Variants in NRG1 observed in about 807,000 individuals in gnomAD.
The protein encoded by NRG1 is pro-neuregulin-1, membrane-bound isoform.
A neutral mutation model predicts 63.8 loss-of-function variants in NRG1; 18 were observed. That is an observed-to-expected ratio of 0.28 (90% CI 0.19 to 0.42). The LOEUF is 0.42. NRG1 is among the 10% of genes least tolerant of loss of function. NRG1 has a pLI of 1.00. For synonymous variants in NRG1, 302 were observed against 301.3 expected (o/e 1.00, Z -0.02); for missense variants, 762 against 814.7 (o/e 0.94, Z 0.79).
intron 1 of NRG1, among the ~76,000 whole-genome samples, chr8:32,479,696 C>G (rs1033347384): frequency 6.6e-6 from 1 of 152,088 alleles, no homozygotes; most frequent in African/African-American, 2.4e-5. Flanking sequence ...TGTCATCAGT[C>G]TGGAGTACAG....
At chr8:31,802,539 A>G (rs1375410131) in intron 1 of NRG1, among the ~76,000 whole-genome samples, 2 of 152,136 alleles carry the variant, frequency 1.3e-5, no homozygotes, top group Non-Finnish European at 2.9e-5. Flanking sequence ...AGTAGGAGTT[A>G]TTTACATGCT....
chr8:32,430,336 A>G (rs889609643), intron 1 of NRG1, among the ~76,000 whole-genome samples: 1 of 152,194 alleles, frequency 6.6e-6, no homozygotes, highest in Non-Finnish European at 1.5e-5. Context: ...CACTGTGTCC[A>G]AGGAAGTAGA....
intron 1 of NRG1, among the ~76,000 whole-genome samples, chr8:32,405,805 G>A (rs1436602667): frequency 6.9e-5 from 9 of 130,680 alleles, no homozygotes; most frequent in Non-Finnish European, 1.2e-4. Context: ...TGATATTTAA[G>A]TTAACATATT....
chr8:32,141,603 T>TAA (rs1421604943), intron 1 of NRG1, among the ~76,000 whole-genome samples: 1 of 98,448 alleles, frequency 1.0e-5, no homozygotes, highest in African/African-American at 4.0e-5. Context: ...TATATATATA[T>TAA]ATATATATAT....
intron 1 of NRG1, among the ~76,000 whole-genome samples, chr8:32,197,479 C>G (rs1843077257): frequency 6.6e-6 from 1 of 152,160 alleles, no homozygotes. Context: ...CTAGCCTGGG[C>G]AAAATGTGCC....
At chr8:32,124,994 C>G (rs1833902416) in intron 1 of NRG1, among the ~76,000 whole-genome samples, 1 of 151,858 alleles carries the variant, frequency 6.6e-6, no homozygotes, top group Non-Finnish European at 1.5e-5. Flanking sequence ...GAGGCAGGGC[C>G]TTTTTGAGTG....
At position 31,710,966 on chromosome 8, in the gene NRG1, G is replaced by A. The variant is rs1192307571; in HGVS notation, c.37+71535G>A. On this transcript the variant is annotated intron_variant, in intron 1 of 10. Transcript: ENST00000519301. The stretch of plus-strand genomic sequence containing the variant: ...GTATACTTCTGATATGTGTGAAGGT[G>A]ACATATTTATTCTATTGGCTATCTT... Among the ~76,000 whole-genome samples, 4 of 152,186 alleles carry A rather than the reference G, an allele frequency of 2.6e-5. No individual in the cohort carries two copies. The East Asian group carries it at 5.8e-4, about 22-fold the overall frequency.
intron 1 of NRG1, among the ~76,000 whole-genome samples, chr8:31,812,677 G>A (rs1414878498): frequency 1.8e-5 from 2 of 109,836 alleles, no homozygotes; most frequent in African/African-American, 3.6e-5. Flanking sequence ...CCCTCCCCTC[G>A]CTGCTCCTCT....
Position 32,304,281 on chromosome 8 carries a change from C to T in NRG1, c.38-291547C>T, listed in dbSNP as rs562388518. 7.2e-5 allele frequency among the ~76,000 whole-genome samples: 11 copies of T among 152,264 alleles called. No individual in the cohort carries two copies. The East Asian group carries it at 1.5e-3, about 21-fold the overall frequency. On this transcript the variant is annotated intron_variant, in intron 1 of 10. Coordinates refer to the NRG1 transcript ENST00000519301. ...AGATTTCAAAGCTTTTATCAAAATG[C>T]GATTTTCGCAAACAAATTATGAAAA...
chr8:32,155,300 G>A (rs73232239), intron 1 of NRG1, among the ~76,000 whole-genome samples: 22,129 of 152,042 alleles, frequency 0.15, 2,190 homozygotes, highest in African/African-American at 0.27. Flanking sequence ...AGATCAAATG[G>A]TCTCTAAATT....
At chr8:32,719,834 T>C (rs1346051016) in intron 5 of NRG1, among the ~76,000 whole-genome samples, 2 of 152,112 alleles carry the variant, frequency 1.3e-5, no homozygotes, top group African/African-American at 2.4e-5. Context: ...CATCCCCTCT[T>C]GATGCCACTT....
chr8:32,075,261 A>G (rs969322669), intron 1 of NRG1, among the ~76,000 whole-genome samples: 1 of 151,836 alleles, frequency 6.6e-6, no homozygotes. Context: ...CACTGACCAT[A>G]TTACTTATAC....
At chr8:32,475,526 G>A (rs1055479785) in intron 1 of NRG1, among the ~76,000 whole-genome samples, 1 of 149,490 alleles carries the variant, frequency 6.7e-6, no homozygotes, top group African/African-American at 2.5e-5. Context: ...TTCTGTGCAT[G>A]TATTCTTTTT....
rs550111441 is a variant in NRG1, at chr8:31,893,523, T to C, written c.37+254092T>C. Among the ~76,000 whole-genome samples the C allele has an allele frequency of 2.4e-3, 362 of 151,656 alleles. 2 individuals carry two copies. Among genetic ancestry groups the C allele is most frequent in the Non-Finnish European group, 2.6e-3 (179 of 67,690 alleles). On this transcript the variant is annotated intron_variant, in intron 1 of 10. Transcript: ENST00000519301. ...ATTAAATATTTATATTAATCTGTCA[T>C]ATGTGGTAGATGATTAATATACCTA...
chr8:31,706,227 A>G (rs1811137844), intron 1 of NRG1, among the ~76,000 whole-genome samples: 1 of 152,124 alleles, frequency 6.6e-6, no homozygotes, highest in African/African-American at 2.4e-5. Context: ...GTGTCCTTCC[A>G]GAGTTTTTTC....
At chr8:31,880,417 C>T (rs962586601) in intron 1 of NRG1, among the ~76,000 whole-genome samples, 2 of 152,038 alleles carry the variant, frequency 1.3e-5, no homozygotes, top group East Asian at 3.9e-4. Flanking sequence ...TTCCGCTTAC[C>T]AGCCGTGTGA....
chr8:32,751,567 AC>A (rs1828735492), intron 7 of NRG1, among the ~76,000 whole-genome samples: 1 of 152,212 alleles, frequency 6.6e-6, no homozygotes, highest in Admixed American at 6.5e-5. Context: ...GTGTGGGATC[AC>A]CTGATTGAGC....
intron 1 of NRG1, among the ~76,000 whole-genome samples, chr8:32,187,392 A>C (rs1014486198): frequency 1.3e-5 from 2 of 152,158 alleles, no homozygotes; most frequent in African/African-American, 2.4e-5. Flanking sequence ...TATGACACTT[A>C]ATCCTGAATT....
intron 1 of NRG1, among the ~76,000 whole-genome samples, chr8:31,751,218 A>G (rs1430637750): frequency 1.3e-5 from 2 of 152,044 alleles, no homozygotes; most frequent in African/African-American, 4.8e-5. Context: ...ACTCTGAGCC[A>G]GTTGGCTCTC....
Sources: gnomAD v4.1 joint callset for allele counts (sites outside exome capture counted in the v4.1 genomes callset) on GRCh38, gnomAD v4.1.1 for gene constraint, MANE v1.5 for transcripts, NCBI Gene and HGNC (gene_info 2026-07-23, HGNC 2026-07-21) for gene names.